The following KLF13 variants were observed in gnomAD, a reference collection of about 807,000 sequenced individuals.
KLF13 encodes Krueppel-like factor 13.
A neutral mutation model predicts 16.7 loss-of-function variants in KLF13; 8 were observed. The ratio of observed to expected loss-of-function variants is 0.48; its 90% CI spans 0.28 to 0.87. KLF13 has a LOEUF of 0.87. Ranked by LOEUF, KLF13 falls within the 40% of genes least tolerant of loss-of-function variation. The pLI is 0.10. For synonymous variants in KLF13, 245 were observed against 208.4 expected, an observed-to-expected ratio of 1.18 and a Z score of -1.51; for missense variants, 447 against 452.2, an observed-to-expected ratio of 0.99 and a Z score of 0.10.
intron 1 of KLF13, among the ~76,000 whole-genome samples, chr15:31,352,983 C>G (rs2039239861): frequency 6.6e-6 from 1 of 152,190 alleles, no homozygotes; most frequent in Non-Finnish European, 1.5e-5. Flanking sequence ...ATGCAGCCCA[C>G]CTAGGCTGTG....
At chr15:31,331,744 G>C (rs944650846) in intron 1 of KLF13, among the ~76,000 whole-genome samples, 2 of 152,204 alleles carry the variant, frequency 1.3e-5, no homozygotes, top group Admixed American at 1.3e-4. Context: ...ATGCAGAAAT[G>C]TATGCAGCAT....
chr15:31,424,507 G>T (rs2040378800), intron 1 of KLF13, among the ~76,000 whole-genome samples: 1 of 151,972 alleles, frequency 6.6e-6, no homozygotes, highest in Non-Finnish European at 1.5e-5. Context: ...AAAGAAAAAA[G>T]AATGAAGGAC....
chr15:31,327,632 G>C lies in KLF13; in HGVS notation c.420G>C (p.Ala140=), dbSNP rs1329056568. The part of the protein sequence containing the change: ...GLEPEREPGP[A]GSGEPGLRQR... ...AGCCCGAGCGGGAGCCGGGGCCCGCGGGGAGCGGCGAGCCCGGCCTCAGAC... is the reference window on the plus strand; with the variant it reads ...AGCCCGAGCGGGAGCCGGGGCCCGCCGGGAGCGGCGAGCCCGGCCTCAGAC... The change falls in exon 1 of 2, where the codon GCG becomes GCC. Residue 140 remains alanine, a synonymous_variant. Coordinates refer to ENST00000307145, the MANE Select transcript of KLF13 (RefSeq NM_015995.4). 4 of 1,376,800 alleles carry C rather than the reference G, an allele frequency of 2.9e-6. No homozygotes were observed. The South Asian group carries it at 5.9e-5, about 20-fold the overall frequency. The allele number at this position is 1,376,800 out of a possible 1,614,324, so 85.3% of individuals were successfully genotyped here. A position where few individuals can be genotyped will look rare whatever the true frequency, so the allele number is the denominator to read the frequency against.
downstream of KLF13, among the ~76,000 whole-genome samples, chr15:31,405,170 C>T (rs886657167): frequency 1.3e-5 from 2 of 152,086 alleles, no homozygotes; most frequent in Non-Finnish European, 2.9e-5. Context: ...AAAACAAGAG[C>T]CTGCGTAGTG....
intron 2 of KLF13, among the ~76,000 whole-genome samples, chr15:31,394,272 C>A (rs1003888741): frequency 1.3e-5 from 2 of 151,746 alleles, no homozygotes; most frequent in African/African-American, 4.8e-5. Flanking sequence ...GTCAGGAGAT[C>A]GAGACCATCC....
intron 2 of KLF13, among the ~76,000 whole-genome samples, chr15:31,402,042 C>T (rs912603288): frequency 3.3e-5 from 5 of 152,354 alleles, no homozygotes; most frequent in East Asian, 3.9e-4. Flanking sequence ...GAATGCAGAG[C>T]GTGCCCGAGG....
At chr15:31,400,992 G>A (rs985196416) in intron 2 of KLF13, among the ~76,000 whole-genome samples, 11 of 151,172 alleles carry the variant, frequency 7.3e-5, no homozygotes, top group East Asian at 3.9e-4. Context: ...GTGTCCCGTC[G>A]ATAGATAAAT....
At chr15:31,421,158 T>C (rs2040317803) in intron 1 of KLF13, among the ~76,000 whole-genome samples, 1 of 124,574 alleles carries the variant, frequency 8.0e-6, no homozygotes, top group Non-Finnish European at 1.8e-5. Flanking sequence ...ATTAAATAAA[T>C]ACATTTTGGT....
intron 2 of KLF13, among the ~76,000 whole-genome samples, chr15:31,399,349 G>A (rs1429814879): frequency 6.6e-6 from 1 of 152,190 alleles, no homozygotes; most frequent in Non-Finnish European, 1.5e-5. Flanking sequence ...ATTTTTAGTA[G>A]AGACGGGGTT....
At chr15:31,334,420 T>TTTTC (rs750311289) in intron 1 of KLF13, among the ~76,000 whole-genome samples, 1 of 151,962 alleles carries the variant, frequency 6.6e-6, no homozygotes, top group Admixed American at 6.5e-5. Flanking sequence ...CCTGTTTTTC[T>TTTTC]TTTCTTTCTT....
chr15:31,373,505 A>C lies in KLF13; in HGVS notation c.*1206A>C, dbSNP rs1194489615. ...TTTTCTCAGACCCACCATGTCCCCAACTCAGACTTAGCAAACCTCCAGCCT... is the reference window on the plus strand; with the variant it reads ...TTTTCTCAGACCCACCATGTCCCCACCTCAGACTTAGCAAACCTCCAGCCT... On this transcript the variant is annotated 3_prime_UTR_variant, in exon 2 of 2. Transcript: ENST00000307145. The C allele has an allele frequency of 1.3e-5, 2 of 152,166 alleles. No homozygotes were observed. Among genetic ancestry groups the C allele is most frequent in the African/African-American group, 2.4e-5 (1 of 41,420 alleles). The allele number at this position is 152,166 out of a possible 1,614,324, so 9.4% of individuals were successfully genotyped here. A position where few individuals can be genotyped will look rare whatever the true frequency, so the allele number is the denominator to read the frequency against.
At chr15:31,361,862 CT>C (rs1162420659) in intron 1 of KLF13, among the ~76,000 whole-genome samples, 1 of 143,184 alleles carries the variant, frequency 7.0e-6, no homozygotes, top group Non-Finnish European at 1.5e-5. Context: ...CCCAAGAGGC[CT>C]TTCCATACTG....
chr15:31,331,901 G>A (rs2038840553), intron 1 of KLF13, among the ~76,000 whole-genome samples: 1 of 152,204 alleles, frequency 6.6e-6, no homozygotes, highest in Admixed American at 6.5e-5. Flanking sequence ...ATCCTAGCAA[G>A]TATCTCACTG....
At chr15:31,409,735 A>C (rs2040168923) in intron 1 of KLF13, among the ~76,000 whole-genome samples, 1 of 152,354 alleles carries the variant, frequency 6.6e-6, no homozygotes, top group Non-Finnish European at 1.5e-5. Context: ...TGACATGTTT[A>C]AACTACAGAA....
chr15:31,418,122 T>G (rs2040277316), intron 1 of KLF13, among the ~76,000 whole-genome samples: 1 of 152,074 alleles, frequency 6.6e-6, no homozygotes, highest in South Asian at 2.1e-4. Context: ...ACTCAAGGTT[T>G]AAAGAAGAAC....
Position 31,374,053 on chromosome 15 carries a change from AGCCCTGCCAT to A in KLF13, c.*1757_*1766del, listed in dbSNP as rs1424740584. 6.6e-6 allele frequency: 1 copy of A among 152,634 alleles called. No individual in the cohort carries two copies. The highest frequency in any genetic ancestry group is 1.5e-5 in the Non-Finnish European group (1 of 68,086). The allele number at this position is 152,634 out of a possible 1,614,324, so 9.5% of individuals were successfully genotyped here. On this transcript the variant is annotated 3_prime_UTR_variant, in exon 2 of 2. Transcript: ENST00000307145. ...GGTTGTGGCCATCCTGCTTCTACTC[AGCCCTGCCAT>A]GCTATGGGGTGCAGCACAAACCCAG...
chr15:31,412,830 G>A (rs1490003083), intron 1 of KLF13, among the ~76,000 whole-genome samples: 1 of 152,202 alleles, frequency 6.6e-6, no homozygotes, highest in Non-Finnish European at 1.5e-5. Flanking sequence ...AACAGTGCAA[G>A]TTGTAGTGAA....
chr15:31,387,116 T>C (rs1476814663), intron 1 of KLF13, among the ~76,000 whole-genome samples: 1 of 152,250 alleles, frequency 6.6e-6, no homozygotes, highest in Non-Finnish European at 1.5e-5. Flanking sequence ...ATAAACTTAG[T>C]TGATAAAGCA....
chr15:31,426,016 GC>G (rs2040396847), intron 1 of KLF13, among the ~76,000 whole-genome samples: 1 of 152,222 alleles, frequency 6.6e-6, no homozygotes, highest in Non-Finnish European at 1.5e-5. Context: ...AGGGGCAGGA[GC>G]AAAATGCCTC....
Sources: allele counts gnomAD v4.1 joint callset (sites outside exome capture counted in the v4.1 genomes callset), GRCh38; gene constraint gnomAD v4.1.1; transcripts MANE v1.5; gene names NCBI Gene and HGNC (gene_info 2026-07-23, HGNC 2026-07-21).